Variants in IGSF3 observed in about 807,000 individuals in gnomAD.
The protein encoded by IGSF3 is glu-Trp-Ile EWI motif-containing protein 3.
A neutral mutation model predicts 114.4 loss-of-function variants in IGSF3; 23 were observed. The observed-to-expected ratio is 0.20, with a 90% CI of 0.14 to 0.28. The LOEUF is 0.28. Ranked by LOEUF, IGSF3 falls within the 10% of genes least tolerant of loss-of-function variation. The pLI is 1.00. For missense variants in IGSF3, 1,172 were observed against 1,591.5 expected, an observed-to-expected ratio of 0.74 and a Z score of 4.48; for synonymous variants, 571 against 645.2, an observed-to-expected ratio of 0.88 and a Z score of 1.74.
chr1:116,666,620 G>GTTTCC lies in IGSF3; in HGVS notation c.-295_-294insGGAAA. The GTTTCC allele has an allele frequency of 1.7e-6, 1 of 594,326 alleles. No homozygotes were observed. The highest frequency in any genetic ancestry group is 3.0e-6 in the Non-Finnish European group (1 of 335,126). The allele number at this position is 594,326 out of a possible 1,614,324, so 36.8% of individuals were successfully genotyped here. ...CCTTGCAGTTTCCACTGAAATTGCA[G>GTTTCC]ACTGTAGTGGATTAATCCTCCAGAA... On this transcript the variant is annotated 5_prime_UTR_variant, in exon 2 of 11. Transcript: ENST00000369486.
In IGSF3 at chr1:116,665,966, G is replaced by A. The variant is rs1649314105; in HGVS notation, c.43+318C>T. Among the ~76,000 whole-genome samples, 1 of 152,150 alleles carries A rather than the reference G, an allele frequency of 6.6e-6. No homozygotes were observed. The highest frequency in any genetic ancestry group is 2.4e-5 in the African/African-American group (1 of 41,420). On this transcript the variant is annotated intron_variant, in intron 2 of 10. Transcript: ENST00000369486. The surrounding 1 kb of genome is among the most constrained non-coding windows in gnomAD (Gnocchi z 4.0). ...ACACCAGAGCATCCATGTTTGACAT[G>A]CTACAAGACAGCAGCCCACCAGCCA... is the stretch of plus-strand genomic sequence containing the variant.
At chr1:116,663,580 G>C (rs1271545599) in intron 2 of IGSF3, among the ~76,000 whole-genome samples, 1 of 151,836 alleles carries the variant, frequency 6.6e-6, no homozygotes, top group Non-Finnish European at 1.5e-5. Context: ...CAGAGGTCAA[G>C]GGGGTAGGTA....
At position 116,582,416 on chromosome 1, in the gene IGSF3, G is replaced by T. The variant is rs1446441567; in HGVS notation, c.2848+2229C>A. Among the ~76,000 whole-genome samples, 1 of 152,184 alleles carries T rather than the reference G, an allele frequency of 6.6e-6. No individual in the cohort carries two copies. The highest frequency in any genetic ancestry group is 1.9e-4 in the East Asian group (1 of 5,200). On this transcript the variant is annotated intron_variant, in intron 9 of 10. Transcript: ENST00000369486. This position sits in a 1 kb window ranked among gnomAD's most constrained non-coding sequence, Gnocchi z 4.7. The stretch of plus-strand genomic sequence containing the variant: ...GGTTTTCTCCCTTCCCCAGTTGTGT[G>T]AGCCCAACACAACTACTAATCGACT...
At position 116,600,308 on chromosome 1, in the gene IGSF3, C is replaced by T. The variant is rs199635558; in HGVS notation, c.1662G>A (p.Pro554=). 1.7e-4 allele frequency: 278 copies of T among 1,612,000 alleles called. No individual in the cohort carries two copies. Among genetic ancestry groups the T allele is most frequent in the Non-Finnish European group, 2.2e-4 (260 of 1,178,968 alleles). Residue 554 remains proline, a synonymous_variant, in exon 7 of 11, where the codon CCG becomes CCA. Coordinates refer to ENST00000369486, the MANE Select transcript of IGSF3 (RefSeq NM_001007237.3). This position sits in a 1 kb window ranked among gnomAD's most constrained non-coding sequence, Gnocchi z 5.5. ...CAAAGGAGTCGCTGTAGGTCACCCC[C>T]GGTGTCCGGGAGATGGCTGTGACTG... is the stretch of plus-strand genomic sequence containing the variant. The part of the protein sequence containing the change: ...GFAVTAISRT[P]GVTYSDSFDL...
chr1:116,602,480 A>G (rs985899708), intron 6 of IGSF3, among the ~76,000 whole-genome samples: 3 of 152,222 alleles, frequency 2.0e-5, no homozygotes, highest in African/African-American at 7.2e-5. Context: ...CAGGAAACGC[A>G]ATCACTGGAG....
At position 116,662,134 on chromosome 1, in the gene IGSF3, G is replaced by A. The variant is rs374378238; in HGVS notation, c.43+4150C>T. Among the ~76,000 whole-genome samples, 2 of 151,828 alleles carry A rather than the reference G, an allele frequency of 1.3e-5. No homozygotes were observed. The highest frequency in any genetic ancestry group is 2.1e-4 in the South Asian group (1 of 4,814). ...TGCCCAGGCTGGAGTGCAACGGCGCGATCTCGGCTCACTGCAACCTCTGCC... is the reference window on the plus strand; with the variant it reads ...TGCCCAGGCTGGAGTGCAACGGCGCAATCTCGGCTCACTGCAACCTCTGCC... On this transcript the variant is annotated intron_variant, in intron 2 of 10. Coordinates refer to ENST00000369486, the MANE Select transcript of IGSF3 (RefSeq NM_001007237.3). The surrounding 1 kb of genome is among the most constrained non-coding windows in gnomAD (Gnocchi z 4.3).
intron 2 of IGSF3, among the ~76,000 whole-genome samples, chr1:116,640,268 C>A (rs1386236770): frequency 6.6e-6 from 1 of 152,164 alleles, no homozygotes; most frequent in Admixed American, 6.5e-5. Context: ...AATGCCTGTG[C>A]ACATCCAGGA....
At chr1:116,640,842 G>A (rs1459780650) in intron 2 of IGSF3, among the ~76,000 whole-genome samples, 1 of 152,210 alleles carries the variant, frequency 6.6e-6, no homozygotes, top group East Asian at 1.9e-4. Context: ...CAAGATCAAT[G>A]TTTAAGTGTT....
At chr1:116,622,491 A>G (rs1042829172) in intron 2 of IGSF3, among the ~76,000 whole-genome samples, 2 of 152,224 alleles carry the variant, frequency 1.3e-5, no homozygotes, top group African/African-American at 4.8e-5. Context: ...CTACACCTAC[A>G]AAAACAACCA....
chr1:116,656,581 C>T (rs1648861400), intron 2 of IGSF3, among the ~76,000 whole-genome samples: 2 of 151,894 alleles, frequency 1.3e-5, no homozygotes, highest in African/African-American at 2.4e-5. Flanking sequence ...TGACTTTCTA[C>T]ATTCTTGTAA....
At position 116,579,713 on chromosome 1, in the gene IGSF3, C is replaced by T. The variant is rs1487566102; in HGVS notation, c.3013G>A (p.Gly1005Ser). The part of the protein sequence containing the change: ...TKAGGKRSSP[G>S]LEEQEEEREE... The stretch of plus-strand genomic sequence containing the variant: ...CTTTCCTCTTCCTGTTCTTCCAGGC[C>T]AGGGCTGCTCCTTTTCCCCCCAGCT... Residue 1005 changes from glycine (G) to serine (S), a missense_variant, in exon 10 of 11, where the codon GGC becomes AGC. By Grantham distance (56) the Gly-to-Ser change is moderately conservative (BLOSUM62 0). Coordinates refer to ENST00000369486, the MANE Select transcript of IGSF3 (RefSeq NM_001007237.3). The surrounding 1 kb of genome is among the most constrained non-coding windows in gnomAD (Gnocchi z 6.4). 1 of 1,612,628 alleles carries T rather than the reference C, an allele frequency of 6.2e-7. No individual in the cohort carries two copies. The highest frequency in any genetic ancestry group is 8.5e-7 in the Non-Finnish European group (1 of 1,179,216).
At chr1:116,643,092 C>G (rs1648181985) in intron 2 of IGSF3, among the ~76,000 whole-genome samples, 1 of 152,188 alleles carries the variant, frequency 6.6e-6, no homozygotes, top group Non-Finnish European at 1.5e-5. Context: ...GGGAGAGGCA[C>G]CAGGGTCATG....
intron 2 of IGSF3, among the ~76,000 whole-genome samples, chr1:116,626,642 T>C (rs1647300099): frequency 1.3e-5 from 2 of 152,120 alleles, no homozygotes; most frequent in East Asian, 1.9e-4. Context: ...TCCATGGCTA[T>C]TTCACCCTAT....
In IGSF3 at chr1:116,651,380, G is replaced by C. The variant is rs1648631028; in HGVS notation, c.43+14904C>G. Among the ~76,000 whole-genome samples the C allele has an allele frequency of 6.6e-6, 1 of 152,150 alleles. No homozygotes were observed. The highest frequency in any genetic ancestry group is 2.4e-5 in the African/African-American group (1 of 41,430). On this transcript the variant is annotated intron_variant, in intron 2 of 10. Coordinates refer to ENST00000369486, the MANE Select transcript of IGSF3 (RefSeq NM_001007237.3). This position sits in a 1 kb window ranked among gnomAD's most constrained non-coding sequence, Gnocchi z 4.4. ...CCCAAATACACATGCTCCCACCTGAGGCTGGGAAATGTACCAAGAACTGCA... is the reference window on the plus strand; with the variant it reads ...CCCAAATACACATGCTCCCACCTGACGCTGGGAAATGTACCAAGAACTGCA...
rs1293635633 is a variant in IGSF3, at chr1:116,576,501, A to T, written c.*811T>A. 1 of 152,654 alleles carries T rather than the reference A, an allele frequency of 6.6e-6. No homozygotes were observed. The highest frequency in any genetic ancestry group is 1.5e-5 in the Non-Finnish European group (1 of 68,048). 9.5% of individuals were successfully genotyped at this position (152,654 alleles called of 1,614,324 possible). A position where few individuals can be genotyped will look rare whatever the true frequency, so the allele number is the denominator to read the frequency against. On this transcript the variant is annotated 3_prime_UTR_variant, in exon 11 of 11. Coordinates refer to ENST00000369486, the MANE Select transcript of IGSF3 (RefSeq NM_001007237.3). This position sits in a 1 kb window ranked among gnomAD's most constrained non-coding sequence, Gnocchi z 4.6. ...GCAGCCCCTGCCCACTTTAATTTGG[A>T]AAGTGTGTGCCGTTTGGGGCTTCTG... is the stretch of plus-strand genomic sequence containing the variant.
At position 116,577,947 on chromosome 1, in the gene IGSF3, T is replaced by TTA. The variant is rs1334901547; in HGVS notation, c.3335-386_3335-385insTA. Among the ~76,000 whole-genome samples the TTA allele has an allele frequency of 6.6e-6, 1 of 152,204 alleles. No individual in the cohort carries two copies. Among genetic ancestry groups the TTA allele is most frequent in the African/African-American group, 2.4e-5 (1 of 41,438 alleles). On this transcript the variant is annotated intron_variant, in intron 10 of 10. Transcript: ENST00000369486. This position sits in a 1 kb window ranked among gnomAD's most constrained non-coding sequence, Gnocchi z 5.7. ...ATTTTACATGCCCCTTTGCACTTAG[T>TTA]TCTGCTACAGACTTCCTTCTCTGGG...
Position 116,657,179 on chromosome 1 carries a change from G to A in IGSF3, c.43+9105C>T, listed in dbSNP as rs1190124394. Among the ~76,000 whole-genome samples, 2 of 152,190 alleles carry A rather than the reference G, an allele frequency of 1.3e-5. No homozygotes were observed. The highest frequency in any genetic ancestry group is 4.1e-4 in the South Asian group (2 of 4,834). On this transcript the variant is annotated intron_variant, in intron 2 of 10. Coordinates refer to ENST00000369486, the MANE Select transcript of IGSF3 (RefSeq NM_001007237.3). The surrounding 1 kb of genome is among the most constrained non-coding windows in gnomAD (Gnocchi z 4.2). ...AAGTCTTTTTAAAAAGGAATAGATTGTATCTGGCTGGGATAGGGTAGGTGT... is the reference window on the plus strand; with the variant it reads ...AAGTCTTTTTAAAAAGGAATAGATTATATCTGGCTGGGATAGGGTAGGTGT...
At position 116,626,824 on chromosome 1, in the gene IGSF3, C is replaced by T. The variant is rs553421496; in HGVS notation, c.44-10367G>A. On this transcript the variant is annotated intron_variant, in intron 2 of 10. Coordinates refer to ENST00000369486, the MANE Select transcript of IGSF3 (RefSeq NM_001007237.3). Reference sequence around the variant, plus strand: ...ACCTGCATTCCCCCTCACTCTCATGCGAAAGACAGCACAGAAGCAGCATCC... The same window carrying T: ...ACCTGCATTCCCCCTCACTCTCATGTGAAAGACAGCACAGAAGCAGCATCC... 1.1e-4 allele frequency among the ~76,000 whole-genome samples: 16 copies of T among 152,248 alleles called. No homozygotes were observed. The East Asian group carries it at 2.7e-3, about 26-fold the overall frequency.
chr1:116,584,668 G>A lies in IGSF3; in HGVS notation c.2825C>T (p.Thr942Ile). The change falls in exon 9 of 11, where the codon ACA (threonine) becomes ATA (isoleucine). Residue 942 changes from threonine to isoleucine, a missense_variant. Transcript: ENST00000369486. The surrounding 1 kb of genome is among the most constrained non-coding windows in gnomAD (Gnocchi z 5.8). ...ACCTGGTCGCATGACTGTCAGAGCT[G>A]TCTGCCCAGCGGTGTCCTCTGCCCG... is the stretch of plus-strand genomic sequence containing the variant. The part of the protein sequence containing the change: ...YKRAEDTAGQ[T>I]ALTVMRPDAS... 6.2e-7 allele frequency: 1 copy of A among 1,614,224 alleles called. No individual in the cohort carries two copies. The highest frequency in any genetic ancestry group is 8.5e-7 in the Non-Finnish European group (1 of 1,180,030).
Sources: gnomAD v4.1 joint callset for allele counts (sites outside exome capture counted in the v4.1 genomes callset) on GRCh38, gnomAD v4.1.1 for gene constraint, Gnocchi (gnomAD v3.1) non-coding constraint, MANE v1.5 for transcripts, NCBI Gene and HGNC (gene_info 2026-07-23, HGNC 2026-07-21) for gene names.